MBNL1: variants seen among roughly 807,000 people sequenced by gnomAD.
The protein encoded by MBNL1 is muscleblind-like protein 1.
A neutral mutation model predicts 42.2 loss-of-function variants in MBNL1; 8 were observed. The ratio of observed to expected loss-of-function variants is 0.19; its 90% CI spans 0.11 to 0.34. The LOEUF (loss-of-function observed/expected upper bound fraction) is 0.34, where lower values mean the gene tolerates loss of function less well. Among genes scored for constraint, MBNL1 ranks in the 10% least tolerant of loss-of-function variants. The pLI is 1.00. For missense variants in MBNL1, 309 were observed against 495.3 expected (o/e 0.62, Z 3.57); for synonymous variants, 169 against 173.9 (o/e 0.97, Z 0.22).
At chr3:152,432,098 T>C (rs770211388) in intron 3 of MBNL1, among the ~76,000 whole-genome samples, 14 of 152,330 alleles carry the variant, frequency 9.2e-5, no homozygotes, top group East Asian at 5.8e-4. Context: ...GGAACACTTA[T>C]AATTTCCCCC....
intron 2 of MBNL1, among the ~76,000 whole-genome samples, chr3:152,251,879 G>A (rs188812247): frequency 6.6e-6 from 1 of 152,036 alleles, no homozygotes; most frequent in Non-Finnish European, 1.5e-5. Context: ...CTTGTCAAAT[G>A]CAATCTTTAC....
rs3220073 is a variant in MBNL1, at chr3:152,390,613, G to GCACACACACACACA, written c.175-24308_175-24295dup. On this transcript the variant is annotated intron_variant, in intron 2 of 9. Coordinates refer to ENST00000324210, the MANE Select transcript of MBNL1 (RefSeq NM_021038.5). ...GTACTGTACATAATTGTATTGTTAT[G>GCACACACACACACA]CACACACACACACACACACACACAC... Among the ~76,000 whole-genome samples the GCACACACACACACA allele has an allele frequency of 2.3e-3, 341 of 147,248 alleles. 2 individuals carry two copies. The highest frequency in any genetic ancestry group is 3.7e-3 in the Non-Finnish European group (244 of 66,800).
At position 152,437,186 on chromosome 3, in the gene MBNL1, T is replaced by C. The variant is rs556578332; in HGVS notation, c.549+4266T>C. ...TGAAATTCTGAAGCATATTTTTGAA[T>C]GTTGAGTTCCTTCTGAGGTGAAAAA... On this transcript the variant is annotated intron_variant, in intron 4 of 9. Coordinates refer to ENST00000324210, the MANE Select transcript of MBNL1 (RefSeq NM_021038.5). Among the ~76,000 whole-genome samples the C allele has an allele frequency of 5.6e-4, 86 of 152,354 alleles. 1 individual carries two copies. The Middle Eastern group carries it at 0.014, about 24-fold the overall frequency.
chr3:152,441,298 T>G (rs1165708861), intron 4 of MBNL1, among the ~76,000 whole-genome samples: 2 of 152,148 alleles, frequency 1.3e-5, no homozygotes, highest in Non-Finnish European at 2.9e-5. Flanking sequence ...TGAAATATAG[T>G]TTTTCATGTA....
Position 152,425,222 on chromosome 3 carries a change from AAC to A in MBNL1, c.346-7493_346-7492del, listed in dbSNP as rs527619640. Among the ~76,000 whole-genome samples the A allele has an allele frequency of 6.2e-3, 943 of 152,282 alleles. 9 individuals carry two copies. The highest frequency in any genetic ancestry group is 0.022 in the African/African-American group (900 of 41,554). On this transcript the variant is annotated intron_variant, in intron 3 of 9. Transcript: ENST00000324210. ...TAAACAAATTTACAAGAAAAAAAAA[AAC>A]ATCAACAAGTGGGCAAAGGATATGA... is the stretch of plus-strand genomic sequence containing the variant.
At chr3:152,393,526 G>A (rs377503723) in intron 2 of MBNL1, among the ~76,000 whole-genome samples, 351 of 152,250 alleles carry the variant, frequency 2.3e-3, no homozygotes, top group African/African-American at 8.1e-3. Context: ...TGAATGTTAC[G>A]GTGAAATATG....
intron 2 of MBNL1, among the ~76,000 whole-genome samples, chr3:152,328,353 T>C (rs2081820973): frequency 6.6e-6 from 1 of 152,126 alleles, no homozygotes; most frequent in Non-Finnish European, 1.5e-5. Flanking sequence ...TATGTTATGT[T>C]GTTATTTTAT....
At chr3:152,399,193 A>G (rs1425240113) in intron 2 of MBNL1, among the ~76,000 whole-genome samples, 7 of 152,206 alleles carry the variant, frequency 4.6e-5, no homozygotes, top group Non-Finnish European at 1.5e-5. Context: ...GTGAATAAAT[A>G]TACAAATGAG....
chr3:152,273,011 G>T (rs912628751), intron 1 of MBNL1, among the ~76,000 whole-genome samples: 1 of 152,156 alleles, frequency 6.6e-6, no homozygotes, highest in Non-Finnish European at 1.5e-5. Flanking sequence ...TAGCTAGTTT[G>T]TATATAGAGC....
In MBNL1 at chr3:152,322,530, C is replaced by T. The variant is rs553788037; in HGVS notation, c.174+22163C>T. On this transcript the variant is annotated intron_variant, in intron 2 of 9. Coordinates refer to ENST00000324210, the MANE Select transcript of MBNL1 (RefSeq NM_021038.5). ...AACTTGAATTATTCTAATTACGATA[C>T]CACAAAGATTAAAAAATACATCTAT... Among the ~76,000 whole-genome samples, 6 of 152,002 alleles carry T rather than the reference C, an allele frequency of 3.9e-5. No homozygotes were observed. In the South Asian group the frequency reaches 1.2e-3, roughly 32 times the overall value.
At chr3:152,349,899 A>C (rs2094747512) in intron 2 of MBNL1, among the ~76,000 whole-genome samples, 1 of 152,110 alleles carries the variant, frequency 6.6e-6, no homozygotes, top group Non-Finnish European at 1.5e-5. Context: ...CCCTTTGCTA[A>C]GATAAGAAAT....
chr3:152,405,494 TAGTC>T (rs1331565684), intron 2 of MBNL1, among the ~76,000 whole-genome samples: 5 of 152,228 alleles, frequency 3.3e-5, no homozygotes, highest in African/African-American at 4.8e-5. Flanking sequence ...TTTTGGTTTT[TAGTC>T]AGTACTTCCT....
chr3:152,392,381 G>A (rs1211465114), intron 2 of MBNL1, among the ~76,000 whole-genome samples: 1 of 152,074 alleles, frequency 6.6e-6, no homozygotes, highest in African/African-American at 2.4e-5. Context: ...GGTGTTAATG[G>A]GAGACAGAGT....
chr3:152,427,464 C>G (rs1418645001), intron 3 of MBNL1, among the ~76,000 whole-genome samples: 3 of 152,122 alleles, frequency 2.0e-5, no homozygotes, highest in Admixed American at 2.0e-4. Context: ...TCGTAGCATA[C>G]TGTAAGTTCA....
intron 2 of MBNL1, among the ~76,000 whole-genome samples, chr3:152,325,207 T>A (rs2079026112): frequency 6.6e-6 from 1 of 151,554 alleles, no homozygotes; most frequent in South Asian, 2.1e-4. Context: ...ATATGGCTCA[T>A]ACATTCCCTC....
chr3:152,379,015 CTGAAGTTTAAA>C (rs1215903263), intron 2 of MBNL1, among the ~76,000 whole-genome samples: 1 of 152,066 alleles, frequency 6.6e-6, no homozygotes, highest in Non-Finnish European at 1.5e-5. Flanking sequence ...CATGCCTGGC[CTGAAGTTTAAA>C]ATGTATGTTT....
At chr3:152,336,790 C>T (rs1160148039) in intron 2 of MBNL1, among the ~76,000 whole-genome samples, 1 of 152,108 alleles carries the variant, frequency 6.6e-6, no homozygotes, top group Non-Finnish European at 1.5e-5. Flanking sequence ...ATTTTCCCAA[C>T]ACAGGATAGT....
At chr3:152,284,227 T>C (rs971494600) in intron 1 of MBNL1, among the ~76,000 whole-genome samples, 10 of 152,006 alleles carry the variant, frequency 6.6e-5, no homozygotes, top group African/African-American at 2.4e-4. Context: ...CCTAGGATAG[T>C]AGGGAACAAA....
intron 3 of MBNL1, among the ~76,000 whole-genome samples, chr3:152,418,871 C>T (rs540110486): frequency 2.6e-5 from 4 of 152,070 alleles, no homozygotes; most frequent in South Asian, 4.1e-4. Context: ...CGCCCGCCCC[C>T]GTGCCCGGCT....
Sources: allele counts gnomAD v4.1 joint callset (sites outside exome capture counted in the v4.1 genomes callset), GRCh38; gene constraint gnomAD v4.1.1; transcripts MANE v1.5; gene names NCBI Gene and HGNC (gene_info 2026-07-23, HGNC 2026-07-21).